APBB2: variants seen among roughly 807,000 people sequenced by gnomAD.
APBB2 encodes Fe65-like 1.
APBB2 carries 38 observed loss-of-function variants against 82.5 expected under a neutral mutation model. The ratio of observed to expected loss-of-function variants is 0.46; its 90% confidence interval spans 0.36 to 0.60. APBB2 has a LOEUF of 0.60. APBB2 is among the 20% of genes least tolerant of loss of function. The pLI, the probability that APBB2 is intolerant of heterozygous loss-of-function variation, is 0.00. For missense variants in APBB2, 772 were observed against 972.3 expected, an observed-to-expected ratio of 0.79 and a Z score of 2.74; for synonymous variants, 341 against 368.2, an observed-to-expected ratio of 0.93 and a Z score of 0.85.
chr4:41,072,013 GAGTT>G (rs1001916197), intron 3 of APBB2, among the ~76,000 whole-genome samples: 4 of 133,986 alleles, frequency 3.0e-5, no homozygotes, highest in African/African-American at 1.3e-4. Flanking sequence ...GCTGGATGGG[GAGTT>G]ACTACTAAAG....
In APBB2 at chr4:41,063,287, T is replaced by C. The variant is rs566658976; in HGVS notation, c.-51+2289A>G. On this transcript the variant is annotated intron_variant, in intron 4 of 17. Coordinates refer to ENST00000508593, the MANE Select transcript of APBB2 (RefSeq NM_004307.2). ...AAAAGAGATTATGTAGGTGCTTATA[T>C]AACCATTTAAAATGTAACCATTTAA... 1.4e-4 allele frequency among the ~76,000 whole-genome samples: 21 copies of C among 152,334 alleles called. No homozygotes were observed. In the South Asian group the frequency reaches 4.4e-3, roughly 32 times the overall value.
At chr4:41,007,985 C>T (rs911512968) in intron 6 of APBB2, among the ~76,000 whole-genome samples, 1 of 152,174 alleles carries the variant, frequency 6.6e-6, no homozygotes, top group East Asian at 1.9e-4. Flanking sequence ...TTATACAGCT[C>T]GGAGGGTCTA....
chr4:41,034,220 G>C (rs1718218932), intron 4 of APBB2, among the ~76,000 whole-genome samples: 1 of 146,806 alleles, frequency 6.8e-6, no homozygotes, highest in African/African-American at 2.4e-5. Flanking sequence ...ATGTTCTTCA[G>C]TGCACAGCTG....
At chr4:41,066,276 A>G (rs1017532165) in intron 3 of APBB2, among the ~76,000 whole-genome samples, 3 of 152,220 alleles carry the variant, frequency 2.0e-5, no homozygotes, top group Non-Finnish European at 4.4e-5. Context: ...AGTCCCCTTC[A>G]TGCTCCCTTC....
intron 2 of APBB2, among the ~76,000 whole-genome samples, chr4:41,117,750 A>C (rs1437147379): frequency 6.6e-6 from 1 of 152,172 alleles, no homozygotes; most frequent in Admixed American, 6.5e-5. Context: ...TGTCATTTGC[A>C]CCATGGCTTG....
intron 1 of APBB2, among the ~76,000 whole-genome samples, chr4:41,174,222 A>G (rs1381529209): frequency 6.6e-6 from 1 of 152,230 alleles, no homozygotes; most frequent in Non-Finnish European, 1.5e-5. Flanking sequence ...GAGATAACTA[A>G]GCAGACTTCT....
At chr4:41,043,737 G>A (rs575795131) in intron 4 of APBB2, among the ~76,000 whole-genome samples, 28 of 141,750 alleles carry the variant, frequency 2.0e-4, no homozygotes, top group African/African-American at 6.1e-4. Flanking sequence ...TCTGTTACCC[G>A]AGTGTATAAT....
chr4:41,071,711 AT>A (rs1277394072), intron 3 of APBB2, among the ~76,000 whole-genome samples: 4 of 152,182 alleles, frequency 2.6e-5, no homozygotes, highest in African/African-American at 9.7e-5. Context: ...TTTAAAAAAA[AT>A]CTCAAAGAAT....
chr4:41,018,104 A>G (rs1311482179), intron 5 of APBB2, among the ~76,000 whole-genome samples: 1 of 152,224 alleles, frequency 6.6e-6, no homozygotes, highest in Non-Finnish European at 1.5e-5. Flanking sequence ...AACCTTTGAC[A>G]TAATGGCTGG....
intron 1 of APBB2, among the ~76,000 whole-genome samples, chr4:41,194,801 T>C: frequency 6.6e-6 from 1 of 152,344 alleles, no homozygotes; most frequent in Admixed American, 6.5e-5. Context: ...ATTCTGTATA[T>C]TGAAGTAAGA....
chr4:40,880,312 C>A, intron 12 of APBB2: 9 of 985,442 alleles, frequency 9.1e-6, no homozygotes, highest in Non-Finnish European at 8.4e-6. Flanking sequence ...CAGTGACGAA[C>A]TGTGCTGCAC....
chr4:41,085,238 G>T (rs1276188233), intron 3 of APBB2, among the ~76,000 whole-genome samples: 1 of 140,062 alleles, frequency 7.1e-6, no homozygotes, highest in African/African-American at 2.6e-5. Context: ...GTGACAGAGT[G>T]AGACTCTGTC....
At chr4:41,074,827 T>A (rs895130651) in intron 3 of APBB2, among the ~76,000 whole-genome samples, 9 of 152,124 alleles carry the variant, frequency 5.9e-5, no homozygotes, top group East Asian at 1.9e-4. Context: ...TTGTTTTTTT[T>A]AAAAGGATTT....
At position 41,056,065 on chromosome 4, in the gene APBB2, G is replaced by T. The variant is rs192739096; in HGVS notation, c.-51+9511C>A. ...AAAAATTAGCCAGGCATGGTGGCAG[G>T]TGCCTGTGGGAGGCTGAGGCAGGAG... On this transcript the variant is annotated intron_variant, in intron 4 of 17. Coordinates refer to ENST00000508593, the MANE Select transcript of APBB2 (RefSeq NM_004307.2). 3.9e-4 allele frequency among the ~76,000 whole-genome samples: 60 copies of T among 152,166 alleles called. 1 individual carries two copies. The East Asian group carries it at 0.011, about 28-fold the overall frequency.
intron 1 of APBB2, among the ~76,000 whole-genome samples, chr4:41,196,771 C>T: frequency 6.6e-6 from 1 of 151,978 alleles, no homozygotes; most frequent in Admixed American, 6.6e-5. Flanking sequence ...CAAAGAAAAC[C>T]ACAATTGGAA....
At chr4:41,126,362 G>A (rs1043942469) in intron 2 of APBB2, among the ~76,000 whole-genome samples, 4 of 152,136 alleles carry the variant, frequency 2.6e-5, no homozygotes, top group South Asian at 2.1e-4. Context: ...CAGTCTGGGC[G>A]ACAGAGCAAG....
At chr4:40,844,912 G>C (rs997953041) in intron 12 of APBB2, among the ~76,000 whole-genome samples, 1 of 152,178 alleles carries the variant, frequency 6.6e-6, no homozygotes, top group East Asian at 1.9e-4. Flanking sequence ...TCTGTAGTGT[G>C]TGACAAAAAC....
intron 3 of APBB2, among the ~76,000 whole-genome samples, chr4:41,065,948 C>G (rs192408140): frequency 4.6e-5 from 7 of 151,960 alleles, no homozygotes; most frequent in African/African-American, 1.7e-4. Flanking sequence ...CTTCTCTGAC[C>G]CCCATCAAAA....
chr4:40,843,052 G>A (rs977040840), intron 12 of APBB2, among the ~76,000 whole-genome samples: 10 of 152,170 alleles, frequency 6.6e-5, no homozygotes, highest in African/African-American at 2.4e-4. Context: ...ACCCAGAGCT[G>A]TCCTGAGCTG....
Sources: allele counts gnomAD v4.1 joint callset (sites outside exome capture counted in the v4.1 genomes callset), GRCh38; gene constraint gnomAD v4.1.1; transcripts MANE v1.5; gene names NCBI Gene and HGNC (gene_info 2026-07-23, HGNC 2026-07-21).